Variants in GRIK4 observed in about 807,000 individuals in gnomAD.
GRIK4 encodes the protein glutamate receptor ionotropic, kainate 4.
Under a neutral mutation model 104.9 loss-of-function variants are expected in GRIK4, and 40 were observed. That is an observed-to-expected ratio of 0.38 (90% confidence interval 0.30 to 0.50). The LOEUF (loss-of-function observed/expected upper bound fraction) is 0.50. Among genes scored for constraint, GRIK4 ranks in the 20% least tolerant of loss-of-function variants. GRIK4 has a pLI of 0.93. For missense variants in GRIK4, 1,047 were observed against 1,308.1 expected (o/e 0.80, Z 3.08); for synonymous variants, 485 against 524.9 (o/e 0.92, Z 1.04).
chr11:120,685,716 C>T (rs985089402), intron 3 of GRIK4, among the ~76,000 whole-genome samples: 6 of 152,174 alleles, frequency 3.9e-5, no homozygotes, highest in East Asian at 3.8e-4. Flanking sequence ...TTCACTTTTG[C>T]AGCAGTTGCA....
intron 3 of GRIK4, among the ~76,000 whole-genome samples, chr11:120,739,768 G>A (rs894794509): frequency 6.6e-5 from 10 of 152,238 alleles, no homozygotes; most frequent in Admixed American, 6.5e-5. Context: ...ACGATGCTCA[G>A]TGTCAGTATG....
In GRIK4 at chr11:120,819,651, A is replaced by T; in HGVS notation, c.346-104A>T. On this transcript the variant is annotated intron_variant, in intron 5 of 20. Coordinates refer to ENST00000527524, the MANE Select transcript of GRIK4 (RefSeq NM_014619.5). This position sits in a 1 kb window ranked among gnomAD's most constrained non-coding sequence, Gnocchi z 4.3. ...CCCATTGGTGTCTGGCGAAGGTGTT[A>T]CATAAAAGAACTCACCCTCCACAAC... 9.6e-7 allele frequency: 1 copy of T among 1,037,398 alleles called. No individual in the cohort carries two copies. The allele number at this position is 1,037,398 out of a possible 1,614,324, so 64.3% of individuals were successfully genotyped here.
At chr11:120,719,197 G>A (rs1028819979) in intron 3 of GRIK4, among the ~76,000 whole-genome samples, 6 of 152,108 alleles carry the variant, frequency 3.9e-5, no homozygotes, top group African/African-American at 1.4e-4. Context: ...TAATTTCATA[G>A]CATTTTATGC....
chr11:120,836,512 A>T (rs1264067523), intron 7 of GRIK4, among the ~76,000 whole-genome samples: 2 of 152,152 alleles, frequency 1.3e-5, no homozygotes, highest in Non-Finnish European at 2.9e-5. Context: ...GGCTATATCC[A>T]TGGGAGTATG....
At chr11:120,573,209 T>A (rs1948424392) in intron 1 of GRIK4, among the ~76,000 whole-genome samples, 1 of 152,170 alleles carries the variant, frequency 6.6e-6, no homozygotes, top group South Asian at 2.1e-4. Context: ...CCGTAAATGT[T>A]TGTTGTTGAT....
chr11:120,784,645 G>T (rs901470693), intron 3 of GRIK4, among the ~76,000 whole-genome samples: 1 of 152,142 alleles, frequency 6.6e-6, no homozygotes, highest in African/African-American at 2.4e-5. Context: ...GATGTAACAT[G>T]ATGGAGATTG....
intron 3 of GRIK4, among the ~76,000 whole-genome samples, chr11:120,704,175 C>T (rs1465912127): frequency 6.6e-6 from 1 of 152,184 alleles, no homozygotes; most frequent in Non-Finnish European, 1.5e-5. Context: ...GTGCCTGGCA[C>T]ATAGTAGGTG....
Position 120,956,623 on chromosome 11 carries a change from T to C in GRIK4, c.1701-157T>C, listed in dbSNP as rs1017146377. On this transcript the variant is annotated intron_variant, in intron 15 of 20. Transcript: ENST00000527524. The surrounding 1 kb of genome is among the most constrained non-coding windows in gnomAD (Gnocchi z 4.6). ...AGTTCAACCCACTTATTTTATTTTATTTTTTTTTTGGTTGCGAAACTCCAA... is the reference window on the plus strand; with the variant it reads ...AGTTCAACCCACTTATTTTATTTTACTTTTTTTTTGGTTGCGAAACTCCAA... Among the ~76,000 whole-genome samples, 6 of 149,800 alleles carry C rather than the reference T, an allele frequency of 4.0e-5. No individual in the cohort carries two copies. Among genetic ancestry groups the C allele is most frequent in the African/African-American group, 1.5e-4 (6 of 40,804 alleles).
At chr11:120,737,862 T>C (rs1440561733) in intron 3 of GRIK4, among the ~76,000 whole-genome samples, 1 of 152,218 alleles carries the variant, frequency 6.6e-6, no homozygotes, top group Admixed American at 6.5e-5. Context: ...GTTCACCTTA[T>C]AATGATTCAG....
At chr11:120,536,632 G>T (rs1446504136) in intron 1 of GRIK4, among the ~76,000 whole-genome samples, 1 of 152,120 alleles carries the variant, frequency 6.6e-6, no homozygotes, top group Non-Finnish European at 1.5e-5. Context: ...TCGTCCTTGG[G>T]CCTGTTCTGG....
intron 13 of GRIK4, among the ~76,000 whole-genome samples, chr11:120,934,269 G>C (rs1447553176): frequency 2.0e-5 from 3 of 151,246 alleles, no homozygotes; most frequent in Non-Finnish European, 4.4e-5. Context: ...CTGAGTGGGA[G>C]GGAGGGAATT....
chr11:120,780,361 A>G (rs1332780540), intron 3 of GRIK4, among the ~76,000 whole-genome samples: 1 of 152,218 alleles, frequency 6.6e-6, no homozygotes, highest in Non-Finnish European at 1.5e-5. Flanking sequence ...CAACCTTGGT[A>G]CCTCACATAG....
intron 1 of GRIK4, among the ~76,000 whole-genome samples, chr11:120,590,932 C>T (rs544328011): frequency 4.6e-5 from 7 of 152,180 alleles, no homozygotes; most frequent in South Asian, 2.1e-4. Flanking sequence ...CCATCCTTCC[C>T]GGGGTTTCTG....
chr11:120,854,762 GTC>G (rs772421413), intron 8 of GRIK4, among the ~76,000 whole-genome samples: 2 of 152,000 alleles, frequency 1.3e-5, no homozygotes, highest in Non-Finnish European at 2.9e-5. Flanking sequence ...TCTTTTTTGA[GTC>G]TCACAATGGC....
intron 1 of GRIK4, among the ~76,000 whole-genome samples, chr11:120,580,774 CT>C (rs1278012717): frequency 6.6e-6 from 1 of 152,054 alleles, no homozygotes; most frequent in African/African-American, 2.4e-5. Context: ...TTTCATTTCT[CT>C]AGGGTAAATA....
At chr11:120,871,208 A>G (rs529563893) in intron 9 of GRIK4, 153 of 171,612 alleles carry the variant, frequency 8.9e-4, no homozygotes, top group South Asian at 3.0e-3. Context: ...AGCCAGTTTC[A>G]GTTGGGGCAG....
At chr11:120,628,868 C>T (rs1310240391) in intron 1 of GRIK4, among the ~76,000 whole-genome samples, 1 of 152,168 alleles carries the variant, frequency 6.6e-6, no homozygotes, top group Non-Finnish European at 1.5e-5. Flanking sequence ...CATCCTTCTT[C>T]CCTCCCTCCC....
intron 13 of GRIK4, among the ~76,000 whole-genome samples, chr11:120,938,497 G>C (rs1457534962): frequency 6.6e-6 from 1 of 152,168 alleles, no homozygotes; most frequent in Admixed American, 6.5e-5. Flanking sequence ...ACGTGAATTG[G>C]TGATGGAGGA....
intron 13 of GRIK4, among the ~76,000 whole-genome samples, chr11:120,935,433 C>T (rs1413388722): frequency 6.6e-6 from 1 of 152,064 alleles, no homozygotes; most frequent in African/African-American, 2.4e-5. Flanking sequence ...ACCTGTATTC[C>T]CAGCTACTTG....
Sources: allele counts gnomAD v4.1 joint callset (sites outside exome capture counted in the v4.1 genomes callset), GRCh38; gene constraint gnomAD v4.1.1; non-coding constraint Gnocchi (gnomAD v3.1); transcripts MANE v1.5; gene names NCBI Gene and HGNC (gene_info 2026-07-23, HGNC 2026-07-21).